SDK1: variants seen among roughly 807,000 people sequenced by gnomAD.
The protein encoded by SDK1 is sidekick cell adhesion molecule 1, also known as protein sidekick-1.
Under a neutral mutation model 245.5 loss-of-function variants are expected in SDK1, and 157 were observed. The ratio of observed to expected loss-of-function variants is 0.64; its 90% CI spans 0.56 to 0.73. The LOEUF is 0.73. Ranked by LOEUF, SDK1 falls within the 30% of genes least tolerant of loss-of-function variation. SDK1 has a pLI of 0.00. For missense variants in SDK1, 3,583 were observed against 3,002.3 expected, an observed-to-expected ratio of 1.19 and a Z score of -4.52; for synonymous variants, 1,647 against 1,278.5, an observed-to-expected ratio of 1.29 and a Z score of -6.15.
chr7:3,892,027 A>T (rs989005081), intron 5 of SDK1, among the ~76,000 whole-genome samples: 10 of 152,144 alleles, frequency 6.6e-5, no homozygotes, highest in African/African-American at 2.4e-4. Flanking sequence ...AAGTTATCAT[A>T]GGTTATTTCT....
intron 5 of SDK1, among the ~76,000 whole-genome samples, chr7:3,927,119 A>G (rs1779799969): frequency 6.7e-6 from 1 of 149,468 alleles, no homozygotes; most frequent in African/African-American, 2.5e-5. Context: ...TGTAGATTTC[A>G]TAGTTTGGAT....
At chr7:4,249,571 G>T (rs1354345607) in intron 44 of SDK1, among the ~76,000 whole-genome samples, 1 of 152,188 alleles carries the variant, frequency 6.6e-6, no homozygotes, top group Non-Finnish European at 1.5e-5. Context: ...CACCCCGGAA[G>T]TCTCTTACAG....
At chr7:3,617,963 G>A (rs970357877) in intron 1 of SDK1, among the ~76,000 whole-genome samples, 1 of 152,162 alleles carries the variant, frequency 6.6e-6, no homozygotes, top group Non-Finnish European at 1.5e-5. Flanking sequence ...GCAGAGAGGG[G>A]AGGAGGCCTG....
At chr7:4,044,260 C>A (rs1167742342) in intron 17 of SDK1, among the ~76,000 whole-genome samples, 1 of 152,168 alleles carries the variant, frequency 6.6e-6, no homozygotes, top group African/African-American at 2.4e-5. Context: ...CCTCGCCAGC[C>A]TGCAGCCTCA....
intron 1 of SDK1, among the ~76,000 whole-genome samples, chr7:3,596,355 A>C (rs2705605): frequency 6.6e-6 from 1 of 152,238 alleles, no homozygotes; most frequent in Non-Finnish European, 1.5e-5. Flanking sequence ...CATCAGAACA[A>C]ACCACAGTCA....
intron 5 of SDK1, among the ~76,000 whole-genome samples, chr7:3,941,505 A>T (rs1780366293): frequency 6.6e-6 from 1 of 151,804 alleles, no homozygotes; most frequent in Non-Finnish European, 1.5e-5. Flanking sequence ...TTTTTCCCAA[A>T]TGGGCCAAAC....
chr7:3,415,293 C>T (rs2128578837), intron 1 of SDK1, among the ~76,000 whole-genome samples: 2 of 152,126 alleles, frequency 1.3e-5, no homozygotes, highest in Middle Eastern at 6.8e-3. Flanking sequence ...GACCTGGACA[C>T]ATAAATGTGT....
chr7:3,517,491 T>C (rs73035934), intron 1 of SDK1, among the ~76,000 whole-genome samples: 5,254 of 152,248 alleles, frequency 0.035, 140 homozygotes, highest in African/African-American at 0.059. Flanking sequence ...CTGGCAATAC[T>C]CAACACTTTT....
chr7:3,502,529 G>A (rs115486038), intron 1 of SDK1, among the ~76,000 whole-genome samples: 7,849 of 152,220 alleles, frequency 0.052, 278 homozygotes, highest in African/African-American at 0.094. Flanking sequence ...GATTACAGGC[G>A]TGAACCGCCA....
chr7:4,230,609 A>G (rs2128235174), intron 40 of SDK1, among the ~76,000 whole-genome samples: 1 of 151,934 alleles, frequency 6.6e-6, no homozygotes, highest in Non-Finnish European at 1.5e-5. Context: ...ATGATTACTT[A>G]GGAAGATGGA....
At chr7:3,342,806 A>G (rs1321124316) in intron 1 of SDK1, among the ~76,000 whole-genome samples, 1 of 152,216 alleles carries the variant, frequency 6.6e-6, no homozygotes, top group Non-Finnish European at 1.5e-5. Flanking sequence ...TAATACCTAG[A>G]ATATGTAAAG....
intron 4 of SDK1, among the ~76,000 whole-genome samples, chr7:3,806,177 T>C (rs1779238232): frequency 6.6e-6 from 1 of 152,270 alleles, no homozygotes; most frequent in African/African-American, 2.4e-5. Context: ...GGACTTTGTC[T>C]CACATGGACT....
At chr7:3,476,970 G>C (rs1781364430) in intron 1 of SDK1, among the ~76,000 whole-genome samples, 1 of 152,202 alleles carries the variant, frequency 6.6e-6, no homozygotes, top group Admixed American at 6.5e-5. Context: ...CGTGAGGGAA[G>C]CCATATGGCT....
intron 4 of SDK1, among the ~76,000 whole-genome samples, chr7:3,747,153 A>G (rs1779648949): frequency 6.6e-6 from 1 of 152,226 alleles, no homozygotes; most frequent in South Asian, 2.1e-4. Context: ...GGAGAGAAAA[A>G]TCCAGGCATG....
chr7:3,884,697 G>T (rs1162165465), intron 5 of SDK1, among the ~76,000 whole-genome samples: 1 of 152,218 alleles, frequency 6.6e-6, no homozygotes, highest in African/African-American at 2.4e-5. Context: ...GGCCCCTCCA[G>T]CTCCAGCTCC....
chr7:3,524,742 A>G (rs1783063789), intron 1 of SDK1, among the ~76,000 whole-genome samples: 1 of 152,206 alleles, frequency 6.6e-6, no homozygotes, highest in South Asian at 2.1e-4. Flanking sequence ...TTAGGTAGCC[A>G]GAAGGAACTG....
At chr7:3,531,390 A>T (rs1783339058) in intron 1 of SDK1, among the ~76,000 whole-genome samples, 1 of 152,210 alleles carries the variant, frequency 6.6e-6, no homozygotes, top group Non-Finnish European at 1.5e-5. Context: ...TTCATTTGAA[A>T]AATAAGCATT....
At chr7:3,548,389 G>A (rs1463356440) in intron 1 of SDK1, among the ~76,000 whole-genome samples, 1 of 152,052 alleles carries the variant, frequency 6.6e-6, no homozygotes, top group Non-Finnish European at 1.5e-5. Flanking sequence ...CTTAAACCTG[G>A]GTCTGTCTTA....
intron 44 of SDK1, among the ~76,000 whole-genome samples, chr7:4,251,707 T>C (rs1358150460): frequency 6.6e-6 from 1 of 152,224 alleles, no homozygotes; most frequent in East Asian, 1.9e-4. Flanking sequence ...ATTTTATCAA[T>C]GAAAGGAACT....
Sources: allele counts gnomAD v4.1 joint callset (sites outside exome capture counted in the v4.1 genomes callset), GRCh38; gene constraint gnomAD v4.1.1; transcripts MANE v1.5; gene names NCBI Gene and HGNC (gene_info 2026-07-23, HGNC 2026-07-21).